The following SPHKAP variants were observed in gnomAD, a reference collection of about 807,000 sequenced individuals.
SPHKAP encodes A-kinase anchor protein SPHKAP.
Under a neutral mutation model 137.5 loss-of-function variants are expected in SPHKAP, and 67 were observed. That is an observed-to-expected ratio of 0.49 (90% CI 0.40 to 0.60). The LOEUF (loss-of-function observed/expected upper bound fraction) is 0.60. SPHKAP is among the 20% of genes least tolerant of loss of function. SPHKAP has a pLI of 0.00. For missense variants in SPHKAP, 2,097 were observed against 2,069.3 expected (o/e 1.01, Z -0.26); for synonymous variants, 813 against 785.3 (o/e 1.04, Z -0.59).
At chr2:228,095,197 C>T (rs1199599952) in intron 3 of SPHKAP, among the ~76,000 whole-genome samples, 1 of 152,096 alleles carries the variant, frequency 6.6e-6, no homozygotes, top group Non-Finnish European at 1.5e-5. Flanking sequence ...TGAAACAGGA[C>T]ATTTTGGCCA....
At chr2:228,026,684 G>GA (rs1294633424) in intron 4 of SPHKAP, among the ~76,000 whole-genome samples, 1 of 152,016 alleles carries the variant, frequency 6.6e-6, no homozygotes, top group African/African-American at 2.4e-5. Context: ...AATTTCTTTT[G>GA]AAAATCCCAT....
chr2:228,082,781 C>G (rs1697404611), intron 3 of SPHKAP, among the ~76,000 whole-genome samples: 1 of 152,220 alleles, frequency 6.6e-6, no homozygotes, highest in South Asian at 2.1e-4. Context: ...GAAAATAATA[C>G]TCTTTACCCC....
intron 7 of SPHKAP, among the ~76,000 whole-genome samples, chr2:228,005,291 C>T (rs1014601414): frequency 6.6e-6 from 1 of 152,144 alleles, no homozygotes; most frequent in African/African-American, 2.4e-5. Context: ...TTGAATTGAT[C>T]CCTTTACCAT....
chr2:228,149,016 C>A (rs1431100600), intron 1 of SPHKAP, among the ~76,000 whole-genome samples: 1 of 152,112 alleles, frequency 6.6e-6, no homozygotes, highest in Non-Finnish European at 1.5e-5. Context: ...TCTGATTGAG[C>A]TTCATATAAT....
chr2:227,992,939 C>T (rs1443689821), intron 9 of SPHKAP, among the ~76,000 whole-genome samples: 1 of 152,136 alleles, frequency 6.6e-6, no homozygotes, highest in African/African-American at 2.4e-5. Flanking sequence ...TAGTCCCGAC[C>T]TCATGCTGCC....
chr2:228,092,372 T>C (rs1158929005), intron 3 of SPHKAP, among the ~76,000 whole-genome samples: 1 of 140,114 alleles, frequency 7.1e-6, no homozygotes, highest in Non-Finnish European at 1.5e-5. Context: ...CACATATACA[T>C]ACAGATATAC....
chr2:228,022,531 A>T (rs1694880945), intron 5 of SPHKAP, among the ~76,000 whole-genome samples: 1 of 152,192 alleles, frequency 6.6e-6, no homozygotes, highest in Admixed American at 6.5e-5. Flanking sequence ...CTTTAAGGGA[A>T]CTATCTTCCT....
rs902521666 is a variant in SPHKAP, at chr2:228,181,481, G to C, written c.32+86C>G. 8.8e-6 allele frequency: 14 copies of C among 1,592,250 alleles called. No homozygotes were observed. The highest frequency in any genetic ancestry group is 6.7e-5 in the African/African-American group (5 of 74,456). ...CTGGGAGCCCCGTGCAAACCGAAGC[G>C]CTCTGGGGCAAGTTGGTGAGCGACT... On this transcript the variant is annotated intron_variant, in intron 1 of 11. Coordinates refer to ENST00000392056, the MANE Select transcript of SPHKAP (RefSeq NM_001142644.2). The surrounding 1 kb of genome is among the most constrained non-coding windows in gnomAD (Gnocchi z 4.3).
Position 227,991,273 on chromosome 2 carries a change from C to T in SPHKAP, c.4774+1G>A, listed in dbSNP as rs1693404817. On this transcript the variant is annotated splice_donor_variant, in intron 10 of 11. Coordinates refer to ENST00000392056, the MANE Select transcript of SPHKAP (RefSeq NM_001142644.2). LOFTEE classifies it high-confidence loss of function. ...GTCAAAAGTATGGGAAGGTGGCTTA[C>T]CCTCTGTGCTTTCTGACTGTCCTTT... 6.2e-7 allele frequency: 1 copy of T among 1,614,188 alleles called. No individual in the cohort carries two copies. Among genetic ancestry groups the T allele is most frequent in the Non-Finnish European group, 8.5e-7 (1 of 1,180,010 alleles).
rs147820842 is a variant in SPHKAP at position 227,981,832 on chromosome 2, C to T, written c.4988G>A (p.Arg1663Gln). ...GATATCACCCACTTTCCAGGACTTC[C>T]GATGAACCAGCTGCACGACATCTAG... The part of the protein sequence containing the change: ...KFLDVVQLVH[R>Q]KSWKVGDIFH... The change falls in exon 12 of 12, where the codon CGG becomes CAG. Residue 1663 changes from arginine (R) to glutamine (Q), a missense_variant. By Grantham distance (43) the Arg-to-Gln change is conservative. Transcript: ENST00000392056. The T allele has an allele frequency of 4.4e-5, 71 of 1,613,328 alleles. No individual in the cohort carries two copies. Among genetic ancestry groups the T allele is most frequent in the Middle Eastern group, 1.6e-4 (1 of 6,074 alleles).
intron 11 of SPHKAP, among the ~76,000 whole-genome samples, chr2:227,990,096 A>G (rs141769195): frequency 4.6e-5 from 7 of 152,314 alleles, no homozygotes; most frequent in African/African-American, 1.4e-4. Context: ...TCCTACAACC[A>G]CATGGAACTG....
chr2:228,047,006 T>G (rs1411727130), intron 3 of SPHKAP, among the ~76,000 whole-genome samples: 1 of 152,236 alleles, frequency 6.6e-6, no homozygotes, highest in African/African-American at 2.4e-5. Context: ...AAATAGCTCT[T>G]GCCAAATACA....
intron 3 of SPHKAP, 47 bp downstream of exon 3, chr2:228,108,785 G>C (rs376206852): frequency 1.4e-6 from 2 of 1,394,230 alleles, no homozygotes; most frequent in South Asian, 2.4e-5. Flanking sequence ...ACATGTGCCC[G>C]CTTCCCTGCT....
intron 1 of SPHKAP, chr2:228,132,407 A>C (rs1303698230): frequency 3.2e-6 from 1 of 312,594 alleles, no homozygotes; most frequent in Non-Finnish European, 4.7e-6. Flanking sequence ...AAACCCAAAT[A>C]AATTTTTCTC....
chr2:228,112,512 G>A (rs4455149), intron 2 of SPHKAP, among the ~76,000 whole-genome samples: 52,332 of 151,912 alleles, frequency 0.34, 9,280 homozygotes, highest in East Asian at 0.51. Context: ...GACAGAGTTC[G>A]AAACGCAATT....
At chr2:228,009,668 T>G (rs1694292005) in intron 7 of SPHKAP, among the ~76,000 whole-genome samples, 1 of 152,246 alleles carries the variant, frequency 6.6e-6, no homozygotes, top group African/African-American at 2.4e-5. Context: ...TGTCTTTTCT[T>G]TAAACAATGT....
chr2:228,167,445 A>T (rs1250398330), intron 1 of SPHKAP, among the ~76,000 whole-genome samples: 1 of 152,230 alleles, frequency 6.6e-6, no homozygotes, highest in Non-Finnish European at 1.5e-5. Context: ...TTATTTAAAA[A>T]GTTGAAGTAA....
intron 3 of SPHKAP, among the ~76,000 whole-genome samples, chr2:228,099,936 G>A (rs1371403456): frequency 3.3e-5 from 5 of 151,686 alleles, no homozygotes; most frequent in South Asian, 2.1e-4. Context: ...TGCAAGCTCC[G>A]CCTCCTGGGT....
chr2:227,983,680 A>C (rs1002674725), intron 11 of SPHKAP, among the ~76,000 whole-genome samples: 3 of 152,226 alleles, frequency 2.0e-5, no homozygotes, highest in Non-Finnish European at 2.9e-5. Flanking sequence ...ACTTTCACTA[A>C]GTATTCATTC....
Sources: gnomAD v4.1 joint callset for allele counts (sites outside exome capture counted in the v4.1 genomes callset) on GRCh38, gnomAD v4.1.1 for gene constraint, Gnocchi (gnomAD v3.1) non-coding constraint, MANE v1.5 for transcripts, NCBI Gene and HGNC (gene_info 2026-07-23, HGNC 2026-07-21) for gene names.